The following ENTREP2 variants were observed in gnomAD, a reference collection of about 807,000 sequenced individuals.
ENTREP2 encodes protein ENTREP2.
the ENTREP2 span, among the ~76,000 whole-genome samples, chr15:29,623,558 G>A: frequency 1.3e-5 from 2 of 152,168 alleles, no homozygotes; most frequent in Non-Finnish European, 2.9e-5. Context: ...CATGCAGCTT[G>A]GGCTCTGGTG....
At chr15:29,272,680 T>C in the ENTREP2 span, among the ~76,000 whole-genome samples, 3 of 152,080 alleles carry the variant, frequency 2.0e-5, no homozygotes, top group African/African-American at 7.2e-5. Context: ...TGGCCAAATA[T>C]ACATATTTAA....
chr15:29,264,407 G>C, the ENTREP2 span, among the ~76,000 whole-genome samples: 1 of 152,126 alleles, frequency 6.6e-6, no homozygotes, highest in Non-Finnish European at 1.5e-5. Context: ...CCTTAAAGGA[G>C]AAAACTCTGC....
At chr15:29,424,161 G>A in the ENTREP2 span, among the ~76,000 whole-genome samples, 36 of 152,280 alleles carry the variant, frequency 2.4e-4, no homozygotes, top group South Asian at 6.6e-3. Context: ...GCTCATAAAG[G>A]TAATGCAAAC....
the ENTREP2 span, chr15:29,136,967 TCC>T: frequency 7.6e-7 from 1 of 1,307,930 alleles, no homozygotes; most frequent in Non-Finnish European, 1.0e-6. Context: ...CCACTGCAAC[TCC>T]CACCACCCGG....
At chr15:29,204,196 A>G in the ENTREP2 span, among the ~76,000 whole-genome samples, 2 of 152,202 alleles carry the variant, frequency 1.3e-5, no homozygotes, top group Non-Finnish European at 2.9e-5. Context: ...AGAGCTTTGC[A>G]AATGAGGCCA....
the ENTREP2 span, among the ~76,000 whole-genome samples, chr15:29,428,252 C>T: frequency 4.6e-5 from 7 of 152,168 alleles, no homozygotes; most frequent in Non-Finnish European, 2.9e-5. Context: ...CTCACTCTAT[C>T]GCCCAGGCTG....
At chr15:29,594,325 T>C in the ENTREP2 span, among the ~76,000 whole-genome samples, 2 of 152,146 alleles carry the variant, frequency 1.3e-5, no homozygotes, top group African/African-American at 4.8e-5. Context: ...CCCGCTGTTC[T>C]TCAGTAACCA....
chr15:29,192,555 G>C, the ENTREP2 span, among the ~76,000 whole-genome samples: 53 of 152,306 alleles, frequency 3.5e-4, no homozygotes, highest in Non-Finnish European at 6.6e-4. Flanking sequence ...TCCAAGGAGA[G>C]ACATGAGCAC....
the ENTREP2 span, among the ~76,000 whole-genome samples, chr15:29,650,108 A>G: frequency 6.6e-6 from 1 of 152,148 alleles, no homozygotes; most frequent in African/African-American, 2.4e-5. Context: ...CATATGCGCT[A>G]AAGGTTGCCT....
At chr15:29,468,223 T>A in the ENTREP2 span, among the ~76,000 whole-genome samples, 1 of 152,088 alleles carries the variant, frequency 6.6e-6, no homozygotes, top group African/African-American at 2.4e-5. Flanking sequence ...ATTAAGAAAT[T>A]CCAAGACAGC....
At chr15:29,217,445 G>A in the ENTREP2 span, among the ~76,000 whole-genome samples, 4 of 152,218 alleles carry the variant, frequency 2.6e-5, no homozygotes, top group East Asian at 5.8e-4. Flanking sequence ...TGGAGGCTTC[G>A]TTCATATTTT....
the ENTREP2 span, among the ~76,000 whole-genome samples, chr15:29,164,853 T>C: frequency 6.6e-6 from 1 of 152,264 alleles, no homozygotes; most frequent in East Asian, 1.9e-4. Context: ...ACAGAACATT[T>C]CATCCAACAA....
the ENTREP2 span, among the ~76,000 whole-genome samples, chr15:29,150,407 A>G: frequency 1.3e-5 from 2 of 152,250 alleles, no homozygotes; most frequent in Non-Finnish European, 2.9e-5. Context: ...AGGAGAATGC[A>G]AACTTTTAGC....
At chr15:29,605,979 C>G in the ENTREP2 span, among the ~76,000 whole-genome samples, 1 of 152,122 alleles carries the variant, frequency 6.6e-6, no homozygotes, top group East Asian at 1.9e-4. Context: ...CCTACCTAAT[C>G]CCTGTCTTCT....
chr15:29,300,646 C>T, the ENTREP2 span, among the ~76,000 whole-genome samples: 3 of 152,052 alleles, frequency 2.0e-5, no homozygotes, highest in African/African-American at 4.8e-5. Flanking sequence ...TCAGCCAGGC[C>T]GGAGTGCAGT....
chr15:29,397,056 G>A, the ENTREP2 span, among the ~76,000 whole-genome samples: 3,390 of 152,170 alleles, frequency 0.022, 70 homozygotes, highest in African/African-American at 0.05. Flanking sequence ...CCAGGTTACT[G>A]GCTAAAACTC....
the ENTREP2 span, among the ~76,000 whole-genome samples, chr15:29,224,688 G>C: frequency 7.2e-5 from 11 of 152,180 alleles, no homozygotes; most frequent in Non-Finnish European, 1.6e-4. Flanking sequence ...TAGACATAAA[G>C]GTTCTCCAAG....
the ENTREP2 span, among the ~76,000 whole-genome samples, chr15:29,201,453 A>G: frequency 2.6e-5 from 4 of 152,012 alleles, no homozygotes; most frequent in Non-Finnish European, 4.4e-5. Flanking sequence ...CTCTATGCCT[A>G]TTTTTCTAAG....
the ENTREP2 span, among the ~76,000 whole-genome samples, chr15:29,406,535 G>A: frequency 4.6e-5 from 7 of 151,806 alleles, no homozygotes; most frequent in East Asian, 7.7e-4. Flanking sequence ...GCGACAGAGC[G>A]AAACTCTGTT....
Sources: gnomAD v4.1 joint callset for allele counts (sites outside exome capture counted in the v4.1 genomes callset) on GRCh38, gnomAD v4.1.1 for gene constraint, MANE v1.5 for transcripts, NCBI Gene and HGNC (gene_info 2026-07-23, HGNC 2026-07-21) for gene names.